Variants in HCLS1 observed in about 807,000 individuals in gnomAD.
HCLS1 encodes hematopoietic lineage cell-specific protein.
Under a neutral mutation model 68.6 loss-of-function variants are expected in HCLS1, and 44 were observed. That is an observed-to-expected ratio of 0.64 (90% CI 0.50 to 0.82). The LOEUF (loss-of-function observed/expected upper bound fraction) is 0.82. Among genes scored for constraint, HCLS1 ranks in the 40% least tolerant of loss-of-function variants. HCLS1 has a pLI of 0.00. For synonymous variants in HCLS1, 217 were observed against 225.8 expected (o/e 0.96, Z 0.35); for missense variants, 602 against 612.1 (o/e 0.98, Z 0.17).
intron 9 of HCLS1, 104 bp downstream of exon 9, chr3:121,635,631 C>T: frequency 2.2e-6 from 2 of 900,466 alleles, no homozygotes; most frequent in Non-Finnish European, 3.7e-6. Context: ...AGGTCTAACT[C>T]AGCTAATCTA....
At chr3:121,632,228 AG>A in intron 12 of HCLS1, 44 bp from the exon 13 acceptor site, 1 of 1,608,134 alleles carries the variant, frequency 6.2e-7, no homozygotes, top group Non-Finnish European at 8.5e-7. Flanking sequence ...AACATGAAGA[AG>A]GCAAACAGAG....
intron 3 of HCLS1, among the ~76,000 whole-genome samples, chr3:121,651,141 A>C (rs1174842417): frequency 2.0e-5 from 3 of 152,128 alleles, no homozygotes; most frequent in Admixed American, 6.5e-5. Flanking sequence ...ATAAATAATC[A>C]ATCAATCAAT....
Position 121,657,317 on chromosome 3 carries a change from G to A in HCLS1, c.120C>T (p.Ala40=). Residue 40 remains alanine, a synonymous_variant, in exon 3 of 14, where the codon GCC becomes GCT. Coordinates refer to ENST00000314583, the MANE Select transcript of HCLS1 (RefSeq NM_005335.6). ...TGCGTCCAGACCCCTCGATGGTCTT[G>A]GCTCCCCATCGTTGCTCCTTTTCAG... The part of the protein sequence containing the change: ...DISEKEQRWG[A]KTIEGSGRTE... 1 of 1,614,010 alleles carries A rather than the reference G, an allele frequency of 6.2e-7. No homozygotes were observed. The highest frequency in any genetic ancestry group is 8.5e-7 in the Non-Finnish European group (1 of 1,179,982).
At chr3:121,633,419 T>C (rs528815327) in intron 10 of HCLS1, among the ~76,000 whole-genome samples, 24 of 152,228 alleles carry the variant, frequency 1.6e-4, no homozygotes, top group Non-Finnish European at 2.9e-4. Context: ...TTTCACTATG[T>C]TGGTCAGGCT....
intron 11 of HCLS1, among the ~76,000 whole-genome samples, chr3:121,632,826 C>T (rs529756288): frequency 6.6e-6 from 1 of 151,432 alleles, no homozygotes; most frequent in African/African-American, 2.4e-5. Flanking sequence ...GAAAACAAGT[C>T]AGATTCTTTG....
chr3:121,643,301 C>T (rs2049217816), intron 5 of HCLS1: 1 of 221,632 alleles, frequency 4.5e-6, no homozygotes, highest in Non-Finnish European at 9.2e-6. Flanking sequence ...CCTTATCTAC[C>T]TCGACTGTAA....
At chr3:121,645,209 A>T (rs2049235640) in intron 4 of HCLS1, among the ~76,000 whole-genome samples, 1 of 152,238 alleles carries the variant, frequency 6.6e-6, no homozygotes, top group Non-Finnish European at 1.5e-5. Context: ...TAGACAGAGC[A>T]GTGTTTAAAC....
At chr3:121,632,068 T>G (rs1362257072) in intron 13 of HCLS1, 33 bp downstream of exon 13, 3 of 1,613,198 alleles carry the variant, frequency 1.9e-6, no homozygotes, top group Non-Finnish European at 2.5e-6. Context: ...GGGGCCTCCA[T>G]GTACCAGGCT....
intron 4 of HCLS1, among the ~76,000 whole-genome samples, chr3:121,646,518 CTG>C (rs1362789945): frequency 9.9e-6 from 1 of 100,702 alleles, no homozygotes. Context: ...TATATAGTAT[CTG>C]TTATATATAA....
rs1227060836 is a variant in HCLS1 at position 121,633,282 on chromosome 3, C to G, written c.904-111G>C. 1.5e-5 allele frequency: 10 copies of G among 676,862 alleles called. No homozygotes were observed. The East Asian group carries it at 2.8e-4, about 19-fold the overall frequency. 41.9% of individuals were successfully genotyped at this position (676,862 alleles called of 1,614,324 possible). ...CCAGGCTGGAGTGCAGTGGTGCGAT[C>G]TCAGCTCATTGCAACCTCCGCCTCC... On this transcript the variant is annotated intron_variant, in intron 10 of 13. Transcript: ENST00000314583.
At chr3:121,641,676 A>T (rs777189818) in intron 6 of HCLS1, among the ~76,000 whole-genome samples, 45 of 152,222 alleles carry the variant, frequency 3.0e-4, no homozygotes, top group Admixed American at 5.2e-4. Flanking sequence ...GATTGTGATT[A>T]ATTTTAAATT....
intron 5 of HCLS1, 43 bp downstream of exon 5, chr3:121,644,774 AC>A (rs2049229703): frequency 1.5e-6 from 2 of 1,374,658 alleles, no homozygotes; most frequent in South Asian, 2.3e-5. Context: ...GGCAATTTTC[AC>A]AGGACTGGAG....
chr3:121,655,587 C>CTA (rs1242915663), intron 3 of HCLS1: 1 of 148,026 alleles, frequency 6.8e-6, no homozygotes, highest in African/African-American at 2.5e-5. Flanking sequence ...GCTACAATAC[C>CTA]ACCAAAGGCA....
chr3:121,650,864 G>A (rs1477958008), intron 3 of HCLS1, among the ~76,000 whole-genome samples: 1 of 152,190 alleles, frequency 6.6e-6, no homozygotes, highest in Non-Finnish European at 1.5e-5. Flanking sequence ...GTGGCCAGGT[G>A]TGGTGGCTCA....
intron 6 of HCLS1, among the ~76,000 whole-genome samples, chr3:121,642,462 C>T (rs1307097393): frequency 6.6e-6 from 1 of 151,720 alleles, no homozygotes; most frequent in Non-Finnish European, 1.5e-5. Context: ...GAGCGAGACT[C>T]CCTCTCAAAA....
chr3:121,648,159 C>T (rs1434868531), intron 3 of HCLS1, among the ~76,000 whole-genome samples: 2 of 152,096 alleles, frequency 1.3e-5, no homozygotes, highest in Non-Finnish European at 2.9e-5. Flanking sequence ...CCCCTTCCCC[C>T]CAGGCTGATA....
At chr3:121,650,841 A>G (rs1018473744) in intron 3 of HCLS1, among the ~76,000 whole-genome samples, 2 of 152,222 alleles carry the variant, frequency 1.3e-5, no homozygotes, top group Non-Finnish European at 2.9e-5. Flanking sequence ...GATGCCATTA[A>G]TAAAATGAAA....
chr3:121,653,523 C>T (rs1937795001), intron 3 of HCLS1: 1 of 152,160 alleles, frequency 6.6e-6, no homozygotes, highest in Non-Finnish European at 1.5e-5. Flanking sequence ...AAGTTATAGC[C>T]ATGGCTCTTC....
At chr3:121,653,600 G>C (rs1937797158) in intron 3 of HCLS1, 1 of 152,174 alleles carries the variant, frequency 6.6e-6, no homozygotes, top group African/African-American at 2.4e-5. Flanking sequence ...AATCAAGATA[G>C]GATGGTAAAA....
Sources: gnomAD v4.1 joint callset for allele counts (sites outside exome capture counted in the v4.1 genomes callset) on GRCh38, gnomAD v4.1.1 for gene constraint, MANE v1.5 for transcripts, NCBI Gene and HGNC (gene_info 2026-07-23, HGNC 2026-07-21) for gene names.